PTPRD: variants seen among roughly 807,000 people sequenced by gnomAD.
The protein encoded by PTPRD is receptor-type tyrosine-protein phosphatase delta.
A neutral mutation model predicts 214.5 loss-of-function variants in PTPRD; 34 were observed. The observed-to-expected ratio is 0.16, with a 90% confidence interval of 0.12 to 0.21. The LOEUF is 0.21. Ranked by LOEUF, PTPRD falls within the 10% of genes least tolerant of loss-of-function variation. The pLI is 1.00. For synonymous variants in PTPRD, 1,128 were observed against 845.7 expected (o/e 1.33, Z -5.79); for missense variants, 2,545 against 2,398.7 (o/e 1.06, Z -1.27).
chr9:9,989,851 C>T (rs1181185063), intron 4 of PTPRD, among the ~76,000 whole-genome samples: 1 of 152,212 alleles, frequency 6.6e-6, no homozygotes, highest in Non-Finnish European at 1.5e-5. Flanking sequence ...TTGCTTGCCC[C>T]AGCTCCTGCA....
At chr9:8,507,715 C>G (rs910390820) in intron 21 of PTPRD, among the ~76,000 whole-genome samples, 1 of 152,068 alleles carries the variant, frequency 6.6e-6, no homozygotes, top group South Asian at 2.1e-4. Flanking sequence ...GGAAAAAATT[C>G]TTTACTTCAT....
chr9:10,248,349 C>T (rs945290130), intron 3 of PTPRD, among the ~76,000 whole-genome samples: 1 of 151,868 alleles, frequency 6.6e-6, no homozygotes, highest in Non-Finnish European at 1.5e-5. Context: ...ATTCTACAAC[C>T]TCTAAGTTAG....
intron 30 of PTPRD, among the ~76,000 whole-genome samples, chr9:8,473,668 G>GTACA (rs1565098712): frequency 5.9e-5 from 9 of 151,806 alleles, no homozygotes; most frequent in Non-Finnish European, 1.3e-4. Flanking sequence ...CATACTTTGA[G>GTACA]TTGCCATTCT....
chr9:9,763,673 C>T (rs1324059476), intron 6 of PTPRD, among the ~76,000 whole-genome samples: 1 of 152,066 alleles, frequency 6.6e-6, no homozygotes, highest in Non-Finnish European at 1.5e-5. Flanking sequence ...TAAAAGGGTT[C>T]AGCTCCCCAC....
intron 12 of PTPRD, among the ~76,000 whole-genome samples, chr9:8,663,102 C>T (rs1374351873): frequency 6.6e-6 from 1 of 152,028 alleles, no homozygotes; most frequent in Non-Finnish European, 1.5e-5. Flanking sequence ...CAAATAAAAA[C>T]TATTTGGAAT....
chr9:10,582,193 C>T (rs141231291), intron 2 of PTPRD, among the ~76,000 whole-genome samples: 1 of 152,188 alleles, frequency 6.6e-6, no homozygotes, highest in East Asian at 1.9e-4. Flanking sequence ...GATTAATGGC[C>T]ATCCGGTGAA....
intron 3 of PTPRD, among the ~76,000 whole-genome samples, chr9:10,269,070 C>G (rs1287003246): frequency 6.6e-6 from 1 of 152,156 alleles, no homozygotes; most frequent in Non-Finnish European, 1.5e-5. Flanking sequence ...TAAGAGGAAA[C>G]TAAAAGTTCA....
At chr9:8,526,007 C>T (rs2074009601) in intron 17 of PTPRD, among the ~76,000 whole-genome samples, 1 of 152,006 alleles carries the variant, frequency 6.6e-6, no homozygotes, top group African/African-American at 2.4e-5. Context: ...AAAAGCATTG[C>T]TGTCAGATTG....
At chr9:9,300,134 G>A (rs776229785) in intron 9 of PTPRD, among the ~76,000 whole-genome samples, 9 of 150,280 alleles carry the variant, frequency 6.0e-5, no homozygotes, top group Non-Finnish European at 1.0e-4. Context: ...CAATCCATGA[G>A]CTACATGGTA....
chr9:8,853,479 T>G (rs2097856800), intron 11 of PTPRD, among the ~76,000 whole-genome samples: 1 of 152,180 alleles, frequency 6.6e-6, no homozygotes, highest in East Asian at 1.9e-4. Flanking sequence ...CATGACATTT[T>G]AATAAGTGTC....
chr9:9,562,788 CA>C (rs199606356), intron 8 of PTPRD, among the ~76,000 whole-genome samples: 2,218 of 152,232 alleles, frequency 0.015, 39 homozygotes, highest in African/African-American at 0.05. Context: ...TCCTTATCCC[CA>C]AATCTCCTAT....
chr9:9,956,782 A>G (rs545056788), intron 4 of PTPRD, among the ~76,000 whole-genome samples: 2 of 152,318 alleles, frequency 1.3e-5, no homozygotes, highest in Admixed American at 1.3e-4. Flanking sequence ...TTAGAGAGCA[A>G]TGAGATTTTG....
At position 9,999,007 on chromosome 9, in the gene PTPRD, G is replaced by T. The variant is rs141685209; in HGVS notation, c.-472+34711C>A. The stretch of plus-strand genomic sequence containing the variant: ...GGGGACATCGAAAGGAAACAGATGA[G>T]GTAGCCAAAGGAAATAGATTAGCTA... On this transcript the variant is annotated intron_variant, in intron 4 of 45. Transcript: ENST00000381196. 4.6e-4 allele frequency among the ~76,000 whole-genome samples: 70 copies of T among 152,262 alleles called. No individual in the cohort carries two copies. The East Asian group carries it at 0.013, about 29-fold the overall frequency.
At chr9:10,062,931 T>A (rs546738398) in intron 3 of PTPRD, among the ~76,000 whole-genome samples, 1 of 152,166 alleles carries the variant, frequency 6.6e-6, no homozygotes, top group African/African-American at 2.4e-5. Context: ...ATGAGAGAGA[T>A]GAAATAGTTT....
chr9:8,967,146 A>T (rs2099201669), intron 11 of PTPRD, among the ~76,000 whole-genome samples: 1 of 151,864 alleles, frequency 6.6e-6, no homozygotes. Flanking sequence ...AAAAAAAAAC[A>T]ATAGATGTTG....
intron 11 of PTPRD, among the ~76,000 whole-genome samples, chr9:8,840,771 A>G (rs2097542883): frequency 6.6e-6 from 1 of 152,090 alleles, no homozygotes; most frequent in African/African-American, 2.4e-5. Flanking sequence ...TTTTTTACAC[A>G]TAATTAAATG....
At chr9:10,228,828 G>C (rs1375159118) in intron 3 of PTPRD, among the ~76,000 whole-genome samples, 1 of 150,810 alleles carries the variant, frequency 6.6e-6, no homozygotes, top group Non-Finnish European at 1.5e-5. Flanking sequence ...AGATATAAAA[G>C]TTTATCTCTG....
chr9:9,317,159 C>T (rs1050471506), intron 9 of PTPRD, among the ~76,000 whole-genome samples: 6 of 152,126 alleles, frequency 3.9e-5, no homozygotes, highest in African/African-American at 1.4e-4. Context: ...TTCTCATTCA[C>T]TTACTCCTTA....
intron 14 of PTPRD, among the ~76,000 whole-genome samples, chr9:8,605,265 T>G (rs983169798): frequency 6.6e-6 from 1 of 152,244 alleles, no homozygotes; most frequent in African/African-American, 2.4e-5. Context: ...TTAATATTTA[T>G]GTAAGCTGCA....
Sources: allele counts gnomAD v4.1 joint callset (sites outside exome capture counted in the v4.1 genomes callset), GRCh38; gene constraint gnomAD v4.1.1; transcripts MANE v1.5; gene names NCBI Gene and HGNC (gene_info 2026-07-23, HGNC 2026-07-21).